Variants in RAVER2 observed in about 807,000 individuals in gnomAD.
The protein encoded by RAVER2 is ribonucleoprotein PTB-binding 2.
A neutral mutation model predicts 78.1 loss-of-function variants in RAVER2; 46 were observed. That is an observed-to-expected ratio of 0.59 (90% CI 0.46 to 0.75). The LOEUF (loss-of-function observed/expected upper bound fraction) is 0.75. Among genes scored for constraint, RAVER2 ranks in the 30% least tolerant of loss-of-function variants. The pLI is 0.00. For missense variants in RAVER2, 793 were observed against 837.5 expected (o/e 0.95, Z 0.66); for synonymous variants, 311 against 313.3 (o/e 0.99, Z 0.08).
intron 11 of RAVER2, among the ~76,000 whole-genome samples, chr1:64,829,814 C>T (rs754685817): frequency 8.5e-5 from 13 of 152,274 alleles, no homozygotes; most frequent in Middle Eastern, 3.4e-3. Context: ...TGTGTGAAGA[C>T]GCTTTGTATT....
chr1:64,760,778 G>A (rs1651998053), intron 1 of RAVER2, among the ~76,000 whole-genome samples: 1 of 150,854 alleles, frequency 6.6e-6, no homozygotes, highest in Non-Finnish European at 1.5e-5. Flanking sequence ...CATCCCAAAT[G>A]TTGTTCTTGG....
intron 2 of RAVER2, among the ~76,000 whole-genome samples, chr1:64,773,447 T>C (rs548519046): frequency 6.6e-6 from 1 of 152,254 alleles, no homozygotes; most frequent in South Asian, 2.1e-4. Context: ...TGGTTTTCTA[T>C]TCTTGTGTTT....
At chr1:64,799,950 CTG>C (rs1653212845) in intron 5 of RAVER2, among the ~76,000 whole-genome samples, 1 of 152,068 alleles carries the variant, frequency 6.6e-6, no homozygotes. Flanking sequence ...TTAGAATTAG[CTG>C]TTCTAATTGG....
intron 2 of RAVER2, among the ~76,000 whole-genome samples, chr1:64,773,659 A>G (rs1171001126): frequency 6.6e-6 from 1 of 152,180 alleles, no homozygotes; most frequent in East Asian, 1.9e-4. Context: ...ATGTGTCTTT[A>G]TAGTAGAATG....
intron 1 of RAVER2, among the ~76,000 whole-genome samples, chr1:64,764,042 T>G (rs1236889230): frequency 6.6e-6 from 1 of 151,938 alleles, no homozygotes; most frequent in African/African-American, 2.4e-5. Flanking sequence ...AGCCCCAAAC[T>G]AGAAACAGTT....
intron 5 of RAVER2, among the ~76,000 whole-genome samples, chr1:64,800,130 T>TG (rs1388506420): frequency 1.0e-4 from 15 of 145,502 alleles, no homozygotes; most frequent in Non-Finnish European, 1.1e-4. Flanking sequence ...TTTTGTTTTT[T>TG]GTTTTTTTTT....
At chr1:64,764,666 A>C (rs148662181) in intron 1 of RAVER2, among the ~76,000 whole-genome samples, 18 of 152,350 alleles carry the variant, frequency 1.2e-4, no homozygotes, top group African/African-American at 4.3e-4. Flanking sequence ...AAAGGTGAGA[A>C]TCCAGAATAT....
chr1:64,792,940 C>T (rs1422191919), intron 5 of RAVER2, among the ~76,000 whole-genome samples: 2 of 152,164 alleles, frequency 1.3e-5, no homozygotes, highest in African/African-American at 2.4e-5. Flanking sequence ...CTGTAGTTCA[C>T]GCCTGTAATC....
At chr1:64,776,021 A>G (rs977578641) in intron 2 of RAVER2, among the ~76,000 whole-genome samples, 23 of 145,850 alleles carry the variant, frequency 1.6e-4, no homozygotes, top group Non-Finnish European at 2.0e-4. Flanking sequence ...TCTTGTCTCA[A>G]AAAAAAAAAA....
intron 2 of RAVER2, among the ~76,000 whole-genome samples, chr1:64,773,084 T>A (rs1273855002): frequency 6.6e-6 from 1 of 152,160 alleles, no homozygotes; most frequent in African/African-American, 2.4e-5. Context: ...ATTCCTTTTA[T>A]ATGGGAAATG....
chr1:64,757,771 G>A (rs1209160990), intron 1 of RAVER2, among the ~76,000 whole-genome samples: 2 of 151,928 alleles, frequency 1.3e-5, no homozygotes, highest in African/African-American at 4.8e-5. Flanking sequence ...ATATAAATGT[G>A]TGTATATGCA....
intron 2 of RAVER2, among the ~76,000 whole-genome samples, chr1:64,772,425 C>G (rs1652343452): frequency 6.6e-6 from 1 of 152,064 alleles, no homozygotes; most frequent in Non-Finnish European, 1.5e-5. Context: ...TCATCTAACA[C>G]AAAGCTTCTA....
intron 9 of RAVER2, among the ~76,000 whole-genome samples, chr1:64,807,740 T>TA (rs1424460102): frequency 1.3e-5 from 2 of 152,206 alleles, no homozygotes; most frequent in Non-Finnish European, 1.5e-5. Flanking sequence ...AAAGTAATTT[T>TA]AATTTGTGTA....
intron 3 of RAVER2, 129 bp downstream of exon 3, chr1:64,778,221 A>G: frequency 1.3e-6 from 1 of 772,704 alleles, no homozygotes. Context: ...ATCATTCTGT[A>G]GGGAAGACTT....
intron 1 of RAVER2, among the ~76,000 whole-genome samples, chr1:64,766,827 G>A (rs537704524): frequency 2.6e-4 from 39 of 151,996 alleles, no homozygotes; most frequent in Middle Eastern, 3.2e-3. Flanking sequence ...TATTAAATTC[G>A]TTGATTGGCA....
chr1:64,815,673 T>C lies in RAVER2; in HGVS notation c.1929+833T>C, dbSNP rs1162728445. On this transcript the variant is annotated intron_variant, in intron 11 of 11. Coordinates refer to ENST00000294428, the Ensembl canonical transcript of RAVER2. ...TGATTTCCCTGGAGCAGCTTTGTGT[T>C]TGCCTGACCCATCCCTAATAAACTT... 12 of 152,174 alleles carry C rather than the reference T, an allele frequency of 7.9e-5. No homozygotes were observed. The East Asian group carries it at 2.3e-3, about 29-fold the overall frequency. The allele number at this position is 152,174 out of a possible 1,614,324, so 9.4% of individuals were successfully genotyped here.
At chr1:64,802,186 T>TG (rs1653285934) in intron 5 of RAVER2, among the ~76,000 whole-genome samples, 1 of 152,218 alleles carries the variant, frequency 6.6e-6, no homozygotes, top group African/African-American at 2.4e-5. Flanking sequence ...TTAGCCGGCT[T>TG]CTTTATTGCA....
intron 4 of RAVER2, among the ~76,000 whole-genome samples, chr1:64,783,360 C>T (rs150727566): frequency 0.022 from 3,279 of 152,222 alleles, 142 homozygotes; most frequent in African/African-American, 0.075. Context: ...AGTGTAAAAG[C>T]GTTCCTATTT....
At chr1:64,803,157 A>G (rs1047759896) in intron 6 of RAVER2, 96 bp downstream of exon 6, 1 of 936,792 alleles carries the variant, frequency 1.1e-6, no homozygotes, top group African/African-American at 1.7e-5. Flanking sequence ...TTAAATGAGT[A>G]TTTTGCTTTT....
Sources: gnomAD v4.1 joint callset for allele counts (sites outside exome capture counted in the v4.1 genomes callset) on GRCh38, gnomAD v4.1.1 for gene constraint, MANE v1.5 for transcripts, NCBI Gene and HGNC (gene_info 2026-07-23, HGNC 2026-07-21) for gene names.